Variants in PALB2 observed in about 807,000 individuals in gnomAD.
The protein encoded by PALB2 is mutant partner and localizer of BRCA2.
In PALB2, 82 loss-of-function variants were observed where a neutral mutation model predicts 107.4. The ratio of observed to expected loss-of-function variants is 0.76; its 90% CI spans 0.64 to 0.92. The LOEUF (loss-of-function observed/expected upper bound fraction) is 0.92. PALB2 is among the 40% of genes least tolerant of loss of function. PALB2 has a pLI of 0.00. For missense variants in PALB2, 1,374 were observed against 1,379.9 expected (o/e 1.00, Z 0.07); for synonymous variants, 489 against 496.8 (o/e 0.98, Z 0.21).
At chr16:23,613,298 C>A (rs182891960) in intron 11 of PALB2, among the ~76,000 whole-genome samples, 120 of 152,218 alleles carry the variant, frequency 7.9e-4, no homozygotes, top group Non-Finnish European at 1.2e-3. Context: ...ACTATTAGTG[C>A]AAGAGCTGAG....
At position 23,635,497 on chromosome 16, in the gene PALB2, T is replaced by C; in HGVS notation, c.1049A>G (p.Gln350Arg). The change falls in exon 4 of 13, where the codon CAA becomes CGA. Residue 350 changes from glutamine (Q) to arginine (R), a missense_variant. Physicochemically the swap from Gln to Arg is conservative, Grantham distance 43. Transcript: ENST00000261584. ...GGGAGATTTTAAAGATTTCTCTGTT[T>C]GATTTTGTTCTTTTAAGTTTTGGTT... ...NENQNLKEQN[Q>R]TEKSLKSPSD... is the part of the protein sequence containing the mutation. The C allele has an allele frequency of 6.2e-7, 1 of 1,614,128 alleles. No individual in the cohort carries two copies. The highest frequency in any genetic ancestry group is 8.5e-7 in the Non-Finnish European group (1 of 1,179,996).
chr16:23,625,100 A>G (rs1040224028), intron 7 of PALB2, among the ~76,000 whole-genome samples: 3 of 152,236 alleles, frequency 2.0e-5, no homozygotes, highest in East Asian at 3.9e-4. Context: ...TGGGAAGCCG[A>G]GGCGAGTGGA....
intron 5 of PALB2, 65 bp from the exon 6 acceptor site, chr16:23,629,340 C>T (rs1212938333): frequency 2.2e-6 from 3 of 1,383,260 alleles, no homozygotes; most frequent in Admixed American, 1.7e-5. Flanking sequence ...GCATTACCCA[C>T]TCATCAAAAT....
chr16:23,620,301 T>G (rs1234051213), intron 10 of PALB2, among the ~76,000 whole-genome samples: 1 of 152,170 alleles, frequency 6.6e-6, no homozygotes, highest in Non-Finnish European at 1.5e-5. Flanking sequence ...TTTTTTTTAT[T>G]TTTTGCTCTC....
At chr16:23,639,258 C>T (rs866128993) in intron 1 of PALB2, among the ~76,000 whole-genome samples, 2 of 152,132 alleles carry the variant, frequency 1.3e-5, no homozygotes, top group East Asian at 1.9e-4. Context: ...CTCAGCTGGG[C>T]GCAGTGGCTC....
chr16:23,603,521 T>C lies in PALB2; in HGVS notation c.3499A>G (p.Thr1167Ala), dbSNP rs1597061878. 1 of 1,614,094 alleles carries C rather than the reference T, an allele frequency of 6.2e-7. No homozygotes were observed. The change falls in exon 13 of 13, where the codon ACA (threonine) becomes GCA (alanine). Residue 1167 changes from threonine (T) to alanine (A), a missense_variant. Thr to Ala is a moderately conservative substitution (Grantham distance 58). Coordinates refer to ENST00000261584, the MANE Select transcript of PALB2 (RefSeq NM_024675.4). ...QHWSFVKWSG[T>A]DSHLLAGQKD... is the part of the protein sequence containing the mutation. Reference sequence around the variant, plus strand: ...TGTCCAGCCAGCAAATGAGAGTCTGTACCCGACCATTTCACAAAAGACCAA... The same window carrying C: ...TGTCCAGCCAGCAAATGAGAGTCTGCACCCGACCATTTCACAAAAGACCAA...
intron 4 of PALB2, among the ~76,000 whole-genome samples, chr16:23,632,608 A>T (rs1425037662): frequency 6.6e-6 from 1 of 152,162 alleles, no homozygotes; most frequent in Non-Finnish European, 1.5e-5. Flanking sequence ...AATGGGTAGC[A>T]GCTGCTTAAT....
chr16:23,606,616 C>T (rs1966480045), intron 12 of PALB2, among the ~76,000 whole-genome samples: 1 of 152,106 alleles, frequency 6.6e-6, no homozygotes, highest in African/African-American at 2.4e-5. Context: ...ACCTCTCCCT[C>T]CCGGGTTCAA....
At chr16:23,626,127 T>A (rs892825571) in intron 7 of PALB2, 109 bp downstream of exon 7, 1 of 1,286,290 alleles carries the variant, frequency 7.8e-7, no homozygotes, top group South Asian at 1.2e-5. Flanking sequence ...AAAAACCTCA[T>A]CTCTGTTCTG....
intron 10 of PALB2, among the ~76,000 whole-genome samples, chr16:23,619,916 A>G (rs1966744108): frequency 1.3e-5 from 2 of 152,014 alleles, no homozygotes; most frequent in South Asian, 4.2e-4. Context: ...AGTAGCTGGA[A>G]TTACAGGTGT....
At chr16:23,637,161 T>A (rs931658781) in intron 3 of PALB2, among the ~76,000 whole-genome samples, 4 of 151,966 alleles carry the variant, frequency 2.6e-5, no homozygotes, top group Non-Finnish European at 4.4e-5. Flanking sequence ...GGCAGGAGAA[T>A]TGCTTGAACC....
At chr16:23,625,318 G>A (rs1207424117) in intron 7 of PALB2, among the ~76,000 whole-genome samples, 1 of 152,006 alleles carries the variant, frequency 6.6e-6, no homozygotes, top group Non-Finnish European at 1.5e-5. Context: ...GGGCAACAGA[G>A]TATGACTCTC....
chr16:23,630,837 T>C (rs182241004), intron 4 of PALB2, among the ~76,000 whole-genome samples: 1 of 152,194 alleles, frequency 6.6e-6, no homozygotes, highest in East Asian at 1.9e-4. Context: ...TAGCCAGGTA[T>C]GGTAGCTCAC....
chr16:23,630,022 A>T lies in PALB2; in HGVS notation c.2132T>A (p.Val711Asp). Residue 711 changes from valine to aspartate, a missense_variant, in exon 5 of 13, where the codon GTT (valine) becomes GAT (aspartate). Transcript: ENST00000261584. ...SILLYTPLNT[V>D]APDDNDRPTT... is the part of the protein sequence containing the mutation. ...AGGCCTGTCATTATCATCAGGCGCA[A>T]CCGTATTTAAAGGAGTATAAAGTAA... 6.2e-7 allele frequency: 1 copy of T among 1,614,136 alleles called. No individual in the cohort carries two copies. The highest frequency in any genetic ancestry group is 1.1e-5 in the South Asian group (1 of 91,078).
chr16:23,622,828 TA>T, intron 9 of PALB2, 140 bp downstream of exon 9: 1 of 926,992 alleles, frequency 1.1e-6, no homozygotes. Flanking sequence ...TTCTATGTCA[TA>T]ACCTAGTGTT....
At chr16:23,613,894 G>GA (rs1169387636) in intron 11 of PALB2, 110 bp downstream of exon 11, 4 of 794,634 alleles carry the variant, frequency 5.0e-6, no homozygotes, top group Non-Finnish European at 8.6e-6. Flanking sequence ...ATCCAATTTT[G>GA]AAAAAAGATG....
At chr16:23,625,668 G>T (rs761167596) in intron 7 of PALB2, among the ~76,000 whole-genome samples, 1 of 151,912 alleles carries the variant, frequency 6.6e-6, no homozygotes, top group Non-Finnish European at 1.5e-5. Context: ...ATGGTGGTGG[G>T]CACCTGTAAT....
chr16:23,603,721 T>TAAA, intron 12 of PALB2, 52 bp from the exon 13 acceptor site: 11 of 1,225,742 alleles, frequency 9.0e-6, no homozygotes, highest in Non-Finnish European at 1.1e-5. Context: ...AAAAAACAAT[T>TAAA]AAAAAAAAAA....
intron 2 of PALB2, 53 bp downstream of exon 2, chr16:23,638,017 T>C (rs1261487260): frequency 1.9e-6 from 3 of 1,605,650 alleles, no homozygotes; most frequent in Non-Finnish European, 1.7e-6. Context: ...TCAAGAACTG[T>C]TTTTAAATTG....
Sources: allele counts gnomAD v4.1 joint callset (sites outside exome capture counted in the v4.1 genomes callset), GRCh38; gene constraint gnomAD v4.1.1; transcripts MANE v1.5; gene names NCBI Gene and HGNC (gene_info 2026-07-23, HGNC 2026-07-21).